ERGIC1: variants seen among roughly 807,000 people sequenced by gnomAD.
The protein encoded by ERGIC1 is endoplasmic reticulum-golgi intermediate compartment 1.
In ERGIC1, 19 loss-of-function variants were observed where a neutral mutation model predicts 38.3. That is an observed-to-expected ratio of 0.50 (90% CI 0.35 to 0.73). The LOEUF (loss-of-function observed/expected upper bound fraction) is 0.73, where lower values mean the gene tolerates loss of function less well. Among genes scored for constraint, ERGIC1 ranks in the 30% least tolerant of loss-of-function variants. The pLI is 0.01. For missense variants in ERGIC1, 294 were observed against 389.2 expected (o/e 0.76, Z 2.06); for synonymous variants, 124 against 157.6 (o/e 0.79, Z 1.60).
intron 1 of ERGIC1, among the ~76,000 whole-genome samples, chr5:172,886,097 A>G (rs566316866): frequency 6.6e-5 from 10 of 151,194 alleles, no homozygotes; most frequent in South Asian, 4.2e-4. Context: ...CTGACCTCTC[A>G]CAGTCTCCCA....
At chr5:172,905,531 A>G in intron 3 of ERGIC1, 1 of 443,898 alleles carries the variant, frequency 2.3e-6, no homozygotes, top group South Asian at 1.6e-5. Context: ...TGTGGAACCC[A>G]GCGACTAGTG....
chr5:172,836,827 G>A (rs1336435581), intron 1 of ERGIC1, among the ~76,000 whole-genome samples: 2 of 152,168 alleles, frequency 1.3e-5, no homozygotes, highest in Non-Finnish European at 2.9e-5. Context: ...CACACTTTGG[G>A]GTGCAGACAT....
intron 1 of ERGIC1, among the ~76,000 whole-genome samples, chr5:172,883,880 G>A (rs1413539857): frequency 1.3e-5 from 2 of 152,192 alleles, no homozygotes; most frequent in South Asian, 2.1e-4. Context: ...CTACTCGGGA[G>A]GCTGAGGTGG....
intron 1 of ERGIC1, among the ~76,000 whole-genome samples, chr5:172,863,415 A>G (rs1761769175): frequency 6.6e-6 from 1 of 152,132 alleles, no homozygotes; most frequent in South Asian, 2.1e-4. Flanking sequence ...TCTGGGTTCC[A>G]CCTAAAACCG....
chr5:172,903,964 C>A (rs1762954380), intron 3 of ERGIC1, among the ~76,000 whole-genome samples: 1 of 97,980 alleles, frequency 1.0e-5, no homozygotes, highest in Non-Finnish European at 2.1e-5. Flanking sequence ...ATGAGTCTCA[C>A]ACATACACAC....
In ERGIC1 at chr5:172,914,862, T is replaced by C. The variant is rs530466637; in HGVS notation, c.375+24T>C. On this transcript the variant is annotated intron_variant, in intron 5 of 9. Coordinates refer to ENST00000393784, the MANE Select transcript of ERGIC1 (RefSeq NM_001031711.3). ...AGGTATGGAAGCCCTGCCTCAGCCC[T>C]TTCTACCTGCTCCCCTTTCCTGCTG... The C allele has an allele frequency of 1.6e-5, 26 of 1,613,934 alleles. No individual in the cohort carries two copies. In the South Asian group the frequency reaches 2.9e-4, roughly 18 times the overall value.
intron 4 of ERGIC1, among the ~76,000 whole-genome samples, chr5:172,912,171 C>G (rs1186202884): frequency 1.3e-5 from 2 of 151,332 alleles, no homozygotes; most frequent in Non-Finnish European, 2.9e-5. Context: ...TTCCATTCTT[C>G]CAGGCCAGGC....
At chr5:172,842,393 A>C (rs115823059) in intron 1 of ERGIC1, among the ~76,000 whole-genome samples, 1,636 of 152,328 alleles carry the variant, frequency 0.011, 16 homozygotes, top group Non-Finnish European at 0.017. Flanking sequence ...TAATATTTCA[A>C]GGTGTATATA....
chr5:172,887,805 C>T (rs1043839412), intron 1 of ERGIC1, among the ~76,000 whole-genome samples: 1 of 152,200 alleles, frequency 6.6e-6, no homozygotes. Flanking sequence ...ACCGTGGGCT[C>T]CTGGCAGGAC....
intron 1 of ERGIC1, among the ~76,000 whole-genome samples, chr5:172,836,397 TC>T (rs1156403705): frequency 6.6e-6 from 1 of 152,182 alleles, no homozygotes; most frequent in African/African-American, 2.4e-5. Context: ...ATACTTCAGG[TC>T]CCTGAGTGCC....
Position 172,856,261 on chromosome 5 carries a change from G to T in ERGIC1, c.20+21828G>T, listed in dbSNP as rs1185298945. ...GACCAGCCTGGAACGCCAGGCCCAG[G>T]CAGGTGGACTTGAAACTTACTCACA... On this transcript the variant is annotated intron_variant, in intron 1 of 9. Coordinates refer to ENST00000393784, the MANE Select transcript of ERGIC1 (RefSeq NM_001031711.3). Among the ~76,000 whole-genome samples the T allele has an allele frequency of 2.0e-5, 3 of 152,222 alleles. No homozygotes were observed. The East Asian group carries it at 5.8e-4, about 29-fold the overall frequency.
chr5:172,945,609 T>C (rs1422556012), intron 9 of ERGIC1, among the ~76,000 whole-genome samples: 1 of 152,224 alleles, frequency 6.6e-6, no homozygotes, highest in African/African-American at 2.4e-5. Context: ...TTTCATTTAC[T>C]GAGCATCTAC....
chr5:172,908,591 A>G (rs1763117877), intron 3 of ERGIC1, among the ~76,000 whole-genome samples: 1 of 151,860 alleles, frequency 6.6e-6, no homozygotes, highest in Admixed American at 6.5e-5. Flanking sequence ...ATAAAAAAAG[A>G]GAGAGGTGGA....
intron 9 of ERGIC1, among the ~76,000 whole-genome samples, chr5:172,945,790 T>G (rs757608921): frequency 2.0e-5 from 3 of 152,144 alleles, no homozygotes; most frequent in Non-Finnish European, 2.9e-5. Flanking sequence ...GTTCAAGCAA[T>G]TCTCATGCAT....
rs964644521 is a variant in ERGIC1 at position 172,847,607 on chromosome 5, G to A, written c.20+13174G>A. On this transcript the variant is annotated intron_variant, in intron 1 of 9. Coordinates refer to ENST00000393784, the MANE Select transcript of ERGIC1 (RefSeq NM_001031711.3). ...CGGCTCACTGCAACCTCTGCCTCCC[G>A]GGTTCAAGTGATTCTTCTGCCTCAG... is the stretch of plus-strand genomic sequence containing the variant. Among the ~76,000 whole-genome samples, 8 of 151,990 alleles carry A rather than the reference G, an allele frequency of 5.3e-5. No individual in the cohort carries two copies. In the East Asian group the frequency reaches 1.2e-3, roughly 22 times the overall value.
intron 9 of ERGIC1, among the ~76,000 whole-genome samples, chr5:172,947,605 A>C (rs1290262965): frequency 1.3e-5 from 2 of 152,194 alleles, no homozygotes; most frequent in African/African-American, 2.4e-5. Context: ...AAATCAGTAG[A>C]TACTCATAGG....
chr5:172,901,840 A>G (rs988571341), intron 3 of ERGIC1, among the ~76,000 whole-genome samples: 1 of 152,042 alleles, frequency 6.6e-6, no homozygotes, highest in African/African-American at 2.4e-5. Context: ...GGCTCAAGCA[A>G]TTCTCCCACC....
intron 5 of ERGIC1, among the ~76,000 whole-genome samples, chr5:172,923,555 TC>T (rs1763580406): frequency 6.6e-6 from 1 of 152,106 alleles, no homozygotes; most frequent in Admixed American, 6.5e-5. Flanking sequence ...CCATCAGGGA[TC>T]CCCCGTCTAG....
chr5:172,879,353 T>C (rs980299478), intron 1 of ERGIC1, among the ~76,000 whole-genome samples: 21 of 152,196 alleles, frequency 1.4e-4, no homozygotes, highest in African/African-American at 4.8e-4. Flanking sequence ...GGAAAGTGGG[T>C]TTCTGTTAAG....
Sources: allele counts gnomAD v4.1 joint callset (sites outside exome capture counted in the v4.1 genomes callset), GRCh38; gene constraint gnomAD v4.1.1; transcripts MANE v1.5; gene names NCBI Gene and HGNC (gene_info 2026-07-23, HGNC 2026-07-21).